WFIKKN2: variants seen among roughly 807,000 people sequenced by gnomAD.
WFIKKN2 encodes the protein WAP, Kazal, immunoglobulin, Kunitz and NTR domain-containing protein 2.
WFIKKN2 carries 25 observed loss-of-function variants against 39.2 expected under a neutral mutation model. That is an observed-to-expected ratio of 0.64 (90% confidence interval 0.47 to 0.89). WFIKKN2 has a LOEUF of 0.89. Among genes scored for constraint, WFIKKN2 ranks in the 40% least tolerant of loss-of-function variants. WFIKKN2 has a pLI of 0.00. For synonymous variants in WFIKKN2, 345 were observed against 329.7 expected (o/e 1.05, Z -0.50); for missense variants, 770 against 811.7 (o/e 0.95, Z 0.62).
rs760528610 is a variant in WFIKKN2, at chr17:50,836,123, C to T, written c.186C>T (p.Cys62=). ...PNLWVDAQST[C]RRECETDQEC... ...TCTGGGTGGACGCACAGAGCACCTG[C>T]AGGCGGGAGTGTGAGACGGACCAGG... is the stretch of plus-strand genomic sequence containing the variant. The change falls in exon 1 of 2, where the codon TGC becomes TGT. Residue 62 remains cysteine, a synonymous_variant. Transcript: ENST00000311378. 6.2e-7 allele frequency: 1 copy of T among 1,613,130 alleles called. No homozygotes were observed. Among genetic ancestry groups the T allele is most frequent in the Non-Finnish European group, 8.5e-7 (1 of 1,179,684 alleles).
chr17:50,841,109 C>A lies in WFIKKN2; in HGVS notation c.*90C>A. The A allele has an allele frequency of 7.5e-7, 1 of 1,336,048 alleles. No individual in the cohort carries two copies. The highest frequency in any genetic ancestry group is 1.0e-6 in the Non-Finnish European group (1 of 996,572). 82.8% of individuals were successfully genotyped at this position (1,336,048 alleles called of 1,614,324 possible). The stretch of plus-strand genomic sequence containing the variant: ...GCAAACTGGGCGAGGTCAGATTAGA[C>A]AGGCTTGGGACAGCAGGGAAACATC... On this transcript the variant is annotated 3_prime_UTR_variant, in exon 2 of 2. Transcript: ENST00000311378.
In WFIKKN2 at chr17:50,836,023, C is replaced by A. The variant is rs972473420; in HGVS notation, c.86C>A (p.Pro29His). The change falls in exon 1 of 2, where the codon CCC becomes CAC. Residue 29 changes from proline to histidine, a missense_variant. Coordinates refer to ENST00000311378, the MANE Select transcript of WFIKKN2 (RefSeq NM_175575.6). ...CTGCTGCTGCTACTGCTCGGGGTGC[C>A]CCCGCGAAGCCTGGCGCTGCCGCCC... ...LLLLLLLLGV[P>H]PRSLALPPIR... 5 of 1,600,922 alleles carry A rather than the reference C, an allele frequency of 3.1e-6. No homozygotes were observed. Among genetic ancestry groups the A allele is most frequent in the Non-Finnish European group, 4.3e-6 (5 of 1,174,322 alleles).
chr17:50,841,224 AG>A lies in WFIKKN2; in HGVS notation c.*210del, dbSNP rs1231210114. On this transcript the variant is annotated 3_prime_UTR_variant, in exon 2 of 2. Transcript: ENST00000311378. ...AAGGGGTTCATATCTTTTTTAGCTG[AG>A]GGGGACAAGAGGAGAAGTCAGTGGA... 12 of 487,424 alleles carry A rather than the reference AG, an allele frequency of 2.5e-5. No homozygotes were observed. Among genetic ancestry groups the A allele is most frequent in the South Asian group, 5.4e-5 (1 of 18,414 alleles). The allele number at this position is 487,424 out of a possible 1,614,324, so 30.2% of individuals were successfully genotyped here.
In WFIKKN2 at chr17:50,839,914, C is replaced by A; in HGVS notation, c.626C>A (p.Ala209Asp). 1.2e-6 allele frequency: 2 copies of A among 1,614,172 alleles called. No individual in the cohort carries two copies. The highest frequency in any genetic ancestry group is 1.3e-5 in the African/African-American group (1 of 75,062). ...GAGACCCCTGAGCTGGACATGGCGGCCCCTGCGCTGCTCAACAACCCTGTG... is the reference window on the plus strand; with the variant it reads ...GAGACCCCTGAGCTGGACATGGCGGACCCTGCGCTGCTCAACAACCCTGTG... ...SPETPELDMAAPALLNNPVHQ... is the reference protein window; with the variant it reads ...SPETPELDMADPALLNNPVHQ... Residue 209 changes from alanine (A) to aspartate (D), a missense_variant, in exon 2 of 2, where the codon GCC becomes GAC. Transcript: ENST00000311378.
Position 50,841,201 on chromosome 17 carries a change from G to T in WFIKKN2, c.*182G>T. The T allele has an allele frequency of 3.5e-6, 2 of 564,748 alleles. No homozygotes were observed. Among genetic ancestry groups the T allele is most frequent in the East Asian group, 5.9e-5 (2 of 33,616 alleles). 35.0% of individuals were successfully genotyped at this position (564,748 alleles called of 1,614,324 possible). A position where few individuals can be genotyped will look rare whatever the true frequency, so the allele number is the denominator to read the frequency against. ...AGCATCTATTCTTTGGGTTCAATAA[G>T]GGGTTCATATCTTTTTTAGCTGAGG... is the stretch of plus-strand genomic sequence containing the variant. On this transcript the variant is annotated 3_prime_UTR_variant, in exon 2 of 2. Coordinates refer to ENST00000311378, the MANE Select transcript of WFIKKN2 (RefSeq NM_175575.6).
In WFIKKN2 at chr17:50,835,991, G is replaced by A. The variant is rs117494161; in HGVS notation, c.54G>A (p.Ala18=). 5,917 of 1,595,636 alleles carry A rather than the reference G, an allele frequency of 3.7e-3. 95 individuals carry two copies. In the African/African-American group the frequency reaches 0.046, roughly 12 times the overall value. ...GGTCTCGCTGGGAGCAGGTGGCAGCGCTGCTGCTGCTGCTGCTACTGCTCG... is the reference window on the plus strand; with the variant it reads ...GGTCTCGCTGGGAGCAGGTGGCAGCACTGCTGCTGCTGCTGCTACTGCTCG... ...RFWSRWEQVA[A]LLLLLLLLGV... The change falls in exon 1 of 2, where the codon GCG becomes GCA. Residue 18 remains alanine, a synonymous_variant. Coordinates refer to ENST00000311378, the MANE Select transcript of WFIKKN2 (RefSeq NM_175575.6).
rs780502559 is a variant in WFIKKN2 at position 50,835,884 on chromosome 17, C to A, written c.-54C>A. ...CCCCTGAGAAGAAGGCCCTGGTGGG[C>A]CCCAGACCCTGGCATCGTTTCAGGG... On this transcript the variant is annotated 5_prime_UTR_variant, in exon 1 of 2. Coordinates refer to ENST00000311378, the MANE Select transcript of WFIKKN2 (RefSeq NM_175575.6). 6.4e-6 allele frequency: 10 copies of A among 1,568,746 alleles called. No individual in the cohort carries two copies. Among genetic ancestry groups the A allele is most frequent in the Non-Finnish European group, 8.7e-6 (10 of 1,154,680 alleles).
Position 50,840,075 on chromosome 17 carries a change from A to C in WFIKKN2, c.787A>C (p.Asn263His), listed in dbSNP as rs1972017332. The change falls in exon 2 of 2, where the codon AAC (asparagine) becomes CAC (histidine). Residue 263 changes from asparagine (N) to histidine (H), a missense_variant. Coordinates refer to ENST00000311378, the MANE Select transcript of WFIKKN2 (RefSeq NM_175575.6). ...VVMRPNHVRGNVVVTNIAQLV... is the reference protein window; with the variant it reads ...VVMRPNHVRGHVVVTNIAQLV... ...CATGCGGCCCAACCATGTGCGTGGC[A>C]ACGTGGTGGTCACCAACATTGCCCA... The C allele has an allele frequency of 1.9e-6, 3 of 1,614,106 alleles. No individual in the cohort carries two copies. In the South Asian group the frequency reaches 3.3e-5, roughly 18 times the overall value.
intron 1 of WFIKKN2, among the ~76,000 whole-genome samples, chr17:50,837,972 GC>G (rs1971981000): frequency 6.6e-6 from 1 of 152,124 alleles, no homozygotes. Flanking sequence ...GGACATTCTG[GC>G]CCCCTTACAC....
rs375564913 is a variant in WFIKKN2 at position 50,839,563 on chromosome 17, G to A, written c.275G>A (p.Arg92His). 17 of 1,613,926 alleles carry A rather than the reference G, an allele frequency of 1.1e-5. No homozygotes were observed. Among genetic ancestry groups the A allele is most frequent in the African/African-American group, 2.7e-5 (2 of 74,878 alleles). Residue 92 changes from arginine to histidine, a missense_variant, in exon 2 of 2, where the codon CGC becomes CAC. Physicochemically the swap from Arg to His is conservative, Grantham distance 29. Coordinates refer to ENST00000311378, the MANE Select transcript of WFIKKN2 (RefSeq NM_175575.6). ...GGGACCAAGAGCTGCGTGGCGGCCCGCTACATGGACGTGAAAGGGAAGAAG... is the reference window on the plus strand; with the variant it reads ...GGGACCAAGAGCTGCGTGGCGGCCCACTACATGGACGTGAAAGGGAAGAAG... Reference protein sequence around the residue: ...VCGTKSCVAARYMDVKGKKGP... With the variant: ...VCGTKSCVAAHYMDVKGKKGP...
In WFIKKN2 at chr17:50,841,024, C is replaced by T. The variant is rs752001456; in HGVS notation, c.*5C>T. On this transcript the variant is annotated 3_prime_UTR_variant, in exon 2 of 2. Transcript: ENST00000311378. ...GAGTTTCTTGGCTTGCACTGAAGCC[C>T]CCCACCCCTCCCTGCCCCCTCCCTG... The T allele has an allele frequency of 1.3e-6, 2 of 1,521,892 alleles. No homozygotes were observed. Among genetic ancestry groups the T allele is most frequent in the East Asian group, 2.3e-5 (1 of 43,984 alleles). The allele number at this position is 1,521,892 out of a possible 1,614,324, so 94.3% of individuals were successfully genotyped here. A position where few individuals can be genotyped will look rare whatever the true frequency, so the allele number is the denominator to read the frequency against.
Position 50,835,668 on chromosome 17 carries a change from C to T in WFIKKN2, c.-270C>T, listed in dbSNP as rs1222023268. Reference sequence around the variant, plus strand: ...GGCGCGCCCAGGATATAAATCCGGGCGCGGGCCCCTGCTGTGGCTCCTCTC... The same window carrying T: ...GGCGCGCCCAGGATATAAATCCGGGTGCGGGCCCCTGCTGTGGCTCCTCTC... On this transcript the variant is annotated 5_prime_UTR_variant, in exon 1 of 2. Transcript: ENST00000311378. The T allele has an allele frequency of 4.2e-6, 2 of 473,538 alleles. No individual in the cohort carries two copies. Among genetic ancestry groups the T allele is most frequent in the Non-Finnish European group, 7.4e-6 (2 of 269,840 alleles). 29.3% of individuals were successfully genotyped at this position (473,538 alleles called of 1,614,324 possible). A position where few individuals can be genotyped will look rare whatever the true frequency, so the allele number is the denominator to read the frequency against.
chr17:50,836,868 GA>G (rs1280964927), intron 1 of WFIKKN2, among the ~76,000 whole-genome samples: 2 of 152,206 alleles, frequency 1.3e-5, no homozygotes, highest in Non-Finnish European at 2.9e-5. Context: ...ACAGGGTGGG[GA>G]CCATGCAGGA....
rs779576946 is a variant in WFIKKN2, at chr17:50,840,909, C to A, written c.1621C>A (p.Arg541Ser). ...GGTGGACGGCGGCATGGCCATGCTG[C>A]GCCCCGATAGCTTTGTGGGCGCATC... ...GEVDGGMAML[R>S]PDSFVGASSA... Residue 541 changes from arginine (R) to serine (S), a missense_variant, in exon 2 of 2, where the codon CGC becomes AGC. By Grantham distance (110) the Arg-to-Ser change is moderately radical (BLOSUM62 -1). Coordinates refer to ENST00000311378, the MANE Select transcript of WFIKKN2 (RefSeq NM_175575.6). The A allele has an allele frequency of 2.2e-5, 36 of 1,606,964 alleles. No individual in the cohort carries two copies. Among genetic ancestry groups the A allele is most frequent in the Non-Finnish European group, 1.2e-5 (14 of 1,174,972 alleles).
chr17:50,839,375 GT>G (rs1865206395), intron 1 of WFIKKN2, 123 bp from the exon 2 acceptor site: 11 of 876,004 alleles, frequency 1.3e-5, no homozygotes, highest in Non-Finnish European at 1.9e-5. Context: ...TTATTTTCAA[GT>G]GTTTTGCTCC....
At chr17:50,837,823 G>A (rs970468469) in intron 1 of WFIKKN2, among the ~76,000 whole-genome samples, 2 of 152,244 alleles carry the variant, frequency 1.3e-5, no homozygotes, top group Non-Finnish European at 2.9e-5. Context: ...CCAAGGTCAT[G>A]CCATTAGTTG....
chr17:50,840,992 CCTCAAGGAGTTTCTTGG>C lies in WFIKKN2; in HGVS notation c.1707_1723del (p.Lys570AlafsTer86). On this transcript the variant is annotated frameshift_variant, in exon 2 of 2. Coordinates refer to ENST00000311378, the MANE Select transcript of WFIKKN2 (RefSeq NM_175575.6). LOFTEE classifies it high-confidence loss of function. ...TCATGCACAAGAAGACCTGTGACGT[CCTCAAGGAGTTTCTTGG>C]CTTGCACTGAAGCCCCCCACCCCTC... is the stretch of plus-strand genomic sequence containing the variant. 6.5e-7 allele frequency: 1 copy of C among 1,542,814 alleles called. No homozygotes were observed. The highest frequency in any genetic ancestry group is 8.7e-7 in the Non-Finnish European group (1 of 1,142,968).
At position 50,839,574 on chromosome 17, in the gene WFIKKN2, G is replaced by A. The variant is rs35300894; in HGVS notation, c.286G>A (p.Val96Met). 0.04 allele frequency: 64,624 copies of A among 1,614,044 alleles called. 3,126 individuals are homozygous for A. Among genetic ancestry groups the A allele is most frequent in the South Asian group, 0.2 (18,547 of 91,062 alleles). ...KSCVAARYMD[V>M]KGKKGPVGMP... ...CTGCGTGGCGGCCCGCTACATGGAC[G>A]TGAAAGGGAAGAAGGGCCCAGTGGG... is the stretch of plus-strand genomic sequence containing the variant. The change falls in exon 2 of 2, where the codon GTG (valine) becomes ATG (methionine). Residue 96 changes from valine to methionine, a missense_variant. By Grantham distance (21) the Val-to-Met change is conservative. Transcript: ENST00000311378.
chr17:50,836,463 CGGTGTG>C, intron 1 of WFIKKN2, among the ~76,000 whole-genome samples: 1 of 137,790 alleles, frequency 7.3e-6, no homozygotes, highest in East Asian at 2.2e-4. Flanking sequence ...GTCCAGAAGC[CGGTGTG>C]TGAGGCGGAC....
Sources: allele counts gnomAD v4.1 joint callset (sites outside exome capture counted in the v4.1 genomes callset), GRCh38; gene constraint gnomAD v4.1.1; transcripts MANE v1.5; gene names NCBI Gene and HGNC (gene_info 2026-07-23, HGNC 2026-07-21).